The following METTL26 variants were observed in gnomAD, a reference collection of about 807,000 sequenced individuals.
METTL26 encodes methyltransferase like 26.
Under a neutral mutation model 24.7 loss-of-function variants are expected in METTL26, and 28 were observed. That is an observed-to-expected ratio of 1.13 (90% CI 0.84 to 1.55). The LOEUF is 1.55. METTL26 is among the 40% of genes most tolerant of loss of function. The pLI is 0.00. For missense variants in METTL26, 344 were observed against 281.2 expected (o/e 1.22, Z -1.60); for synonymous variants, 165 against 125.2 (o/e 1.32, Z -2.12).
chr16:635,093 A>G lies in METTL26; in HGVS notation c.421-137T>C, dbSNP rs781684775. 2.8e-5 allele frequency: 43 copies of G among 1,514,222 alleles called. 1 individual carries two copies. In the South Asian group the frequency reaches 5.2e-4, roughly 18 times the overall value. The allele number at this position is 1,514,222 out of a possible 1,614,324, so 93.8% of individuals were successfully genotyped here. On this transcript the variant is annotated intron_variant, in intron 3 of 5. Coordinates refer to ENST00000301686, the MANE Select transcript of METTL26 (RefSeq NM_032366.5). ...CCCCAAGAGGGAGTCAGCCAAGGCC[A>G]GCCTGGTGGGCAAGGGGGTAGGGAG...
Position 635,638 on chromosome 16 carries a change from G to T in METTL26, c.334C>A (p.His112Asn). ...LDLLLCINMA[H>N]VSPLRCTEGL... ...TCCGTGCAGCGCAGGGGGCTGACATGGGCCATGTTGATGCAGAGCAACAGG... is the reference window on the plus strand; with the variant it reads ...TCCGTGCAGCGCAGGGGGCTGACATTGGCCATGTTGATGCAGAGCAACAGG... The change falls in exon 2 of 6, where the codon CAT (histidine) becomes AAT (asparagine). Residue 112 changes from histidine (H) to asparagine (N), a missense_variant. Physicochemically the swap from His to Asn is moderately conservative, Grantham distance 68. Coordinates refer to ENST00000301686, the MANE Select transcript of METTL26 (RefSeq NM_032366.5). 6.5e-7 allele frequency: 1 copy of T among 1,550,358 alleles called. No homozygotes were observed. The highest frequency in any genetic ancestry group is 8.7e-7 in the Non-Finnish European group (1 of 1,147,180).
intron 1 of METTL26, 131 bp downstream of exon 1, chr16:635,963 G>A (rs1371528589): frequency 2.9e-6 from 4 of 1,364,148 alleles, no homozygotes; most frequent in Non-Finnish European, 3.9e-6. Flanking sequence ...CCTGCCCCGG[G>A]GGCACCCCCA....
intron 1 of METTL26, 52 bp downstream of exon 1, chr16:636,042 T>C: frequency 1.4e-6 from 2 of 1,435,998 alleles, no homozygotes; most frequent in Admixed American, 2.8e-5. Flanking sequence ...CCGTGGGCTC[T>C]TGAGGCCCCG....
chr16:635,936 G>T, intron 1 of METTL26, 158 bp downstream of exon 1: 1 of 1,333,400 alleles, frequency 7.5e-7, no homozygotes. Flanking sequence ...GCAGCCGCGG[G>T]GGCCGCACAG....
At position 634,577 on chromosome 16, in the gene METTL26, T is replaced by G. The variant is rs2151088240; in HGVS notation, c.*20A>C. ...AGAGCCTCCGGCAGGGATGCAGGTG[T>G]GCGGGGGTGAAGGAGGGGCTTAGTT... On this transcript the variant is annotated 3_prime_UTR_variant, in exon 6 of 6. Transcript: ENST00000301686. 1.2e-6 allele frequency: 2 copies of G among 1,613,142 alleles called. No homozygotes were observed. Among genetic ancestry groups the G allele is most frequent in the Non-Finnish European group, 8.5e-7 (1 of 1,179,948 alleles).
In METTL26 at chr16:634,722, C is replaced by T; in HGVS notation, c.564G>A (p.Arg188=). The T allele has an allele frequency of 1.2e-6, 2 of 1,612,888 alleles. No homozygotes were observed. The highest frequency in any genetic ancestry group is 1.7e-5 in the Admixed American group (1 of 60,020). Residue 188 remains arginine, a synonymous_variant, in exon 5 of 6, where the codon AGG becomes AGA. Coordinates refer to ENST00000301686, the MANE Select transcript of METTL26 (RefSeq NM_032366.5). The part of the protein sequence containing the change: ...LGKASGLLLE[R]MVDMPANNKC... ...GGGCCCCCGCTCCCCCACCTACCATCCTCTCCAGGAGCAGGCCACTGGCCT... is the reference window on the plus strand; with the variant it reads ...GGGCCCCCGCTCCCCCACCTACCATTCTCTCCAGGAGCAGGCCACTGGCCT...
At position 634,577 on chromosome 16, in the gene METTL26, T is replaced by C; in HGVS notation, c.*20A>G. The C allele has an allele frequency of 1.9e-6, 3 of 1,613,142 alleles. No homozygotes were observed. The highest frequency in any genetic ancestry group is 2.5e-6 in the Non-Finnish European group (3 of 1,179,948). The stretch of plus-strand genomic sequence containing the variant: ...AGAGCCTCCGGCAGGGATGCAGGTG[T>C]GCGGGGGTGAAGGAGGGGCTTAGTT... On this transcript the variant is annotated 3_prime_UTR_variant, in exon 6 of 6. Coordinates refer to ENST00000301686, the MANE Select transcript of METTL26 (RefSeq NM_032366.5).
chr16:636,284 CCAGCATCG>C lies in METTL26; in HGVS notation c.-2_6del, dbSNP rs2037176277. 2 of 1,445,698 alleles carry C rather than the reference CCAGCATCG, an allele frequency of 1.4e-6. No homozygotes were observed. Among genetic ancestry groups the C allele is most frequent in the Admixed American group, 5.9e-5 (2 of 33,878 alleles). The allele number at this position is 1,445,698 out of a possible 1,614,324, so 89.6% of individuals were successfully genotyped here. On this transcript the variant is annotated start_lost and 5_prime_UTR_variant, in exon 1 of 6. Coordinates refer to ENST00000301686, the MANE Select transcript of METTL26 (RefSeq NM_032366.5). The stretch of plus-strand genomic sequence containing the variant: ...TTGTTCCGCTCCGCGGCCGCCGCCA[CCAGCATCG>C]CGGCAGCAACAACTCCCCGCCGCGG...
chr16:635,229 G>A (rs376029167), intron 3 of METTL26, 52 bp downstream of exon 3: 113 of 1,528,756 alleles, frequency 7.4e-5, no homozygotes, highest in Admixed American at 1.0e-4. Context: ...CAGGGCAGGA[G>A]ACAGCAGCTA....
At chr16:634,682 C>G (rs200976892) in intron 5 of METTL26, 37 bp downstream of exon 5, 35 of 1,613,008 alleles carry the variant, frequency 2.2e-5, no homozygotes, top group Admixed American at 3.3e-5. Context: ...CCCTCAACCC[C>G]TAGAGAGGTT....
intron 3 of METTL26, 31 bp from the exon 4 acceptor site, chr16:634,987 C>T (rs1336296983): frequency 6.4e-7 from 1 of 1,572,036 alleles, no homozygotes; most frequent in Admixed American, 1.9e-5. Flanking sequence ...CCCACTGGAC[C>T]AAGGTCGGGG....
chr16:634,523 G>T lies in METTL26; in HGVS notation c.*74C>A, dbSNP rs532514468. ...GGTGGGGCTGTCGTCCACAAGGTCC[G>T]GCCTAGGGAGGCAGGGTTCGTGCCT... On this transcript the variant is annotated 3_prime_UTR_variant, in exon 6 of 6. Transcript: ENST00000301686. The T allele has an allele frequency of 1.0e-4, 167 of 1,612,284 alleles. 1 individual carries two copies. In the South Asian group the frequency reaches 1.7e-3, roughly 16 times the overall value.
chr16:635,967 A>C (rs554688282), intron 1 of METTL26, 127 bp downstream of exon 1: 3 of 1,329,734 alleles, frequency 2.3e-6, no homozygotes, highest in East Asian at 2.6e-5. Context: ...CCCCGGGGGC[A>C]CCCCCAGGCT....
rs746797280 is a variant in METTL26, at chr16:634,760, C to T, written c.526G>A (p.Glu176Lys). Residue 176 changes from glutamate (E) to lysine (K), a missense_variant, in exon 5 of 6, where the codon GAG becomes AAG. Transcript: ENST00000301686. The stretch of plus-strand genomic sequence containing the variant: ...AGGCCACTGGCCTTTCCCAGGTCCT[C>T]CAGGAGGGCTGTGTCCCGAAGCCCC... ...EWGLRDTALL[E>K]DLGKASGLLL... 2.5e-6 allele frequency: 4 copies of T among 1,612,562 alleles called. No individual in the cohort carries two copies. The South Asian group carries it at 4.4e-5, about 18-fold the overall frequency.
chr16:636,038 G>A (rs1366980905), intron 1 of METTL26, 56 bp downstream of exon 1: 2 of 1,436,620 alleles, frequency 1.4e-6, no homozygotes, highest in Non-Finnish European at 1.8e-6. Context: ...CGGGCCGTGG[G>A]CTCTTGAGGC....
Position 635,711 on chromosome 16 carries a change from C to T in METTL26, c.261G>A (p.Val87=). ...TNVKAPLHLD[V]TWGWEHWGGI... ...CGCCCCAGTGCTCCCAGCCCCACGT[C>T]ACGTCCAGGTGTAGCGGGGCCTTCA... Residue 87 remains valine (V), a synonymous_variant, in exon 2 of 6, where the codon GTG becomes GTA. Transcript: ENST00000301686. The T allele has an allele frequency of 6.4e-7, 1 of 1,570,166 alleles. No individual in the cohort carries two copies. Among genetic ancestry groups the T allele is most frequent in the Admixed American group, 1.9e-5 (1 of 52,714 alleles).
Position 634,630 on chromosome 16 carries a change from G to A in METTL26, c.582C>T (p.Ala194=). ...LLLERMVDMP[A]NNKCLIFRKN is the part of the protein sequence containing the mutation. Reference sequence around the variant, plus strand: ...TCCGGAAGATCAGGCATTTGTTGTTGGCTGGCATGTCCACCTGGAGAAACA... The same window carrying A: ...TCCGGAAGATCAGGCATTTGTTGTTAGCTGGCATGTCCACCTGGAGAAACA... Residue 194 remains alanine (A), a synonymous_variant, in exon 6 of 6, where the codon GCC becomes GCT. Transcript: ENST00000301686. The A allele has an allele frequency of 1.2e-6, 2 of 1,613,328 alleles. No homozygotes were observed. The highest frequency in any genetic ancestry group is 1.1e-5 in the South Asian group (1 of 91,088).
At position 634,603 on chromosome 16, in the gene METTL26, T is replaced by TTTCCGG. The variant is rs2037028395; in HGVS notation, c.603_608dup (p.Arg202_Lys203insAsnArg). On this transcript the variant is annotated inframe_insertion, in exon 6 of 6. Transcript: ENST00000301686. ...GCGGGGGTGAAGGAGGGGCTTAGTT[T>TTTCCGG]TTCCGGAAGATCAGGCATTTGTTGT... The TTTCCGG allele has an allele frequency of 6.2e-7, 1 of 1,613,230 alleles. No individual in the cohort carries two copies. Among genetic ancestry groups the TTTCCGG allele is most frequent in the South Asian group, 1.1e-5 (1 of 91,096 alleles).
In METTL26 at chr16:634,490, A is replaced by G. The variant is rs754954745; in HGVS notation, c.*107T>C. On this transcript the variant is annotated 3_prime_UTR_variant, in exon 6 of 6. Transcript: ENST00000301686. ...GGCCCTTCGGCCAGCGGCTGAGAGC[A>G]CAGACTGGGTGGGGCTGTCGTCCAC... The G allele has an allele frequency of 6.3e-7, 1 of 1,599,836 alleles. No individual in the cohort carries two copies. Among genetic ancestry groups the G allele is most frequent in the Non-Finnish European group, 8.6e-7 (1 of 1,168,348 alleles).
Sources: allele counts gnomAD v4.1 joint callset, GRCh38; gene constraint gnomAD v4.1.1; transcripts MANE v1.5; gene names NCBI Gene and HGNC (gene_info 2026-07-23, HGNC 2026-07-21).